DMD: variants seen among roughly 807,000 people sequenced by gnomAD.
DMD encodes the protein dystrophin, also known as mutant dystrophin.
In DMD, 63 loss-of-function variants were observed where a neutral mutation model predicts 330.1. The ratio of observed to expected loss-of-function variants is 0.19; its 90% CI spans 0.16 to 0.24. The LOEUF (loss-of-function observed/expected upper bound fraction) is 0.24. Ranked by LOEUF, DMD falls within the 10% of genes least tolerant of loss-of-function variation. DMD has a pLI of 1.00. For synonymous variants in DMD, 1,223 were observed against 959.8 expected (o/e 1.27, Z -5.07); for missense variants, 3,344 against 2,684.1 (o/e 1.25, Z -5.43).
At chrX:31,529,324 G>A (rs931039983) in intron 55 of DMD, among the ~76,000 whole-genome samples, 5 of 110,805 alleles carry the variant, frequency 4.5e-5, no homozygotes, top group Non-Finnish European at 9.4e-5. Flanking sequence ...GTTTGAGGCT[G>A]CAGTGAGCTA....
intron 50 of DMD, among the ~76,000 whole-genome samples, chrX:31,788,130 C>G (rs1322119610): frequency 8.9e-6 from 1 of 111,874 alleles, no homozygotes; most frequent in African/African-American, 3.2e-5. Context: ...TTGTCTTGGA[C>G]TTGAATCTCA....
rs966934932 is a variant in DMD, at chrX:31,681,242, C to T, written c.7661-1656G>A. On this transcript the variant is annotated intron_variant, in intron 52 of 78. Coordinates refer to ENST00000357033, the MANE Select transcript of DMD (RefSeq NM_004006.3). ...TTCTGGAATATCTTAGCTGGACATACGTGTTCTTCTATGATCTTGCCTAGA... is the reference window on the plus strand; with the variant it reads ...TTCTGGAATATCTTAGCTGGACATATGTGTTCTTCTATGATCTTGCCTAGA... Among the ~76,000 whole-genome samples the T allele has an allele frequency of 8.9e-6, 1 of 112,157 alleles. No individual in the cohort carries two copies. Among genetic ancestry groups the T allele is most frequent in the African/African-American group, 3.2e-5 (1 of 30,863 alleles).
At chrX:33,240,967 T>G (rs1447806618) in intron 1 of DMD, among the ~76,000 whole-genome samples, 1 of 112,231 alleles carries the variant, frequency 8.9e-6, no homozygotes, top group East Asian at 2.8e-4. Context: ...TAACCCCTTA[T>G]AAGATGTATG....
intron 43 of DMD, among the ~76,000 whole-genome samples, chrX:32,245,982 A>G (rs1249930020): frequency 1.0e-5 from 1 of 97,987 alleles, no homozygotes; most frequent in Non-Finnish European, 2.0e-5. Flanking sequence ...TGCCCTGGCC[A>G]GAACTTCCAA....
chrX:32,812,166 CA>C (rs150837400), intron 6 of DMD, among the ~76,000 whole-genome samples: 23 of 110,995 alleles, frequency 2.1e-4, no homozygotes, highest in African/African-American at 6.9e-4. Flanking sequence ...TCTACTCCTA[CA>C]AAAAAACTCT....
intron 9 of DMD, among the ~76,000 whole-genome samples, chrX:32,654,671 G>T (rs2060426301): frequency 8.9e-6 from 1 of 111,763 alleles, no homozygotes. Flanking sequence ...CTCATAAAAT[G>T]AGTTAGGGAG....
At chrX:32,167,049 A>T (rs1211545343) in intron 44 of DMD, among the ~76,000 whole-genome samples, 1 of 111,517 alleles carries the variant, frequency 9.0e-6, no homozygotes, top group Non-Finnish European at 1.9e-5. Flanking sequence ...CTGCTTAATG[A>T]TCTGCTCGAT....
intron 4 of DMD, among the ~76,000 whole-genome samples, chrX:32,830,146 G>A (rs2079043460): frequency 9.0e-6 from 1 of 111,062 alleles, no homozygotes; most frequent in African/African-American, 3.3e-5. Context: ...TTGACGGTCT[G>A]GTCTGTTTTG....
At chrX:32,690,864 G>A (rs1221488096) in intron 9 of DMD, among the ~76,000 whole-genome samples, 1 of 111,356 alleles carries the variant, frequency 9.0e-6, no homozygotes, top group Non-Finnish European at 1.9e-5. Context: ...ATATGTAAAT[G>A]TAAAACCTCA....
intron 7 of DMD, among the ~76,000 whole-genome samples, chrX:32,791,408 C>T (rs781708623): frequency 8.9e-5 from 10 of 111,816 alleles, no homozygotes; most frequent in East Asian, 5.7e-4. Flanking sequence ...AGGACAGGCA[C>T]GCTCAACCAA....
At chrX:32,560,239 C>T (rs1462132766) in intron 16 of DMD, among the ~76,000 whole-genome samples, 3 of 104,777 alleles carry the variant, frequency 2.9e-5, no homozygotes, top group Non-Finnish European at 3.9e-5. Context: ...GTATATACTA[C>T]TTAATATAAA....
At chrX:31,914,158 G>A (rs775363229) in intron 47 of DMD, among the ~76,000 whole-genome samples, 13 of 112,014 alleles carry the variant, frequency 1.2e-4, no homozygotes, top group Non-Finnish European at 2.1e-4. Flanking sequence ...GGGGTGTGGA[G>A]AGGGAGAGAA....
chrX:32,152,325 T>C (rs2096807932), intron 44 of DMD, among the ~76,000 whole-genome samples: 1 of 111,670 alleles, frequency 9.0e-6, no homozygotes, highest in South Asian at 3.7e-4. Flanking sequence ...GCTGTAACTA[T>C]TATTTTTTTA....
chrX:32,624,210 G>C (rs773937592), intron 11 of DMD, among the ~76,000 whole-genome samples: 1 of 111,998 alleles, frequency 8.9e-6, no homozygotes, highest in South Asian at 3.7e-4. Flanking sequence ...ATTTAGACGG[G>C]AAAGTAAAAG....
At chrX:32,713,841 AG>A (rs2066775477) in intron 7 of DMD, among the ~76,000 whole-genome samples, 1 of 111,766 alleles carries the variant, frequency 8.9e-6, no homozygotes, top group African/African-American at 3.3e-5. Context: ...CATTGTCCAT[AG>A]AAAATATAGT....
In DMD at chrX:31,382,878, ATTTT is replaced by A. The variant is rs57194993; in HGVS notation, c.9085-34248_9085-34245del. On this transcript the variant is annotated intron_variant, in intron 60 of 78. Transcript: ENST00000357033. ...TTCGCCGCCCCAACACTTCAACACTATTTTGTTTTATTTTTCTTATTAATATAAG... is the reference window on the plus strand; with the variant it reads ...TTCGCCGCCCCAACACTTCAACACTAGTTTTATTTTTCTTATTAATATAAG... Among the ~76,000 whole-genome samples the A allele has an allele frequency of 5.6e-3, 620 of 110,947 alleles. 2 individuals are homozygous for A. The highest frequency in any genetic ancestry group is 0.019 in the African/African-American group (575 of 30,508).
At chrX:32,163,091 C>T (rs1212802956) in intron 44 of DMD, among the ~76,000 whole-genome samples, 2 of 111,147 alleles carry the variant, frequency 1.8e-5, no homozygotes, top group African/African-American at 6.6e-5. Context: ...CCACCTTTAC[C>T]CCTCTACCAT....
At chrX:32,712,538 T>C (rs867904214) in intron 7 of DMD, among the ~76,000 whole-genome samples, 13 of 111,857 alleles carry the variant, frequency 1.2e-4, no homozygotes, top group Non-Finnish European at 2.1e-4. Context: ...ACATGAACCC[T>C]CATAATAAGA....
Position 32,809,628 on chromosome X carries a change from TACACAC to T in DMD, c.531-23_531-18del, listed in dbSNP as rs1569526589. On this transcript the variant is annotated intron_variant, in intron 6 of 78. Coordinates refer to ENST00000357033, the MANE Select transcript of DMD (RefSeq NM_004006.3). Reference sequence around the variant, plus strand: ...AGGTCTGGCCTAAAACACATACACATACACACATACACAAAGACAAATATAAATCAA... The same window carrying T: ...AGGTCTGGCCTAAAACACATACACATATACACAAAGACAAATATAAATCAA... 2 of 1,112,520 alleles carry T rather than the reference TACACAC, an allele frequency of 1.8e-6. No individual in the cohort carries two copies. The highest frequency in any genetic ancestry group is 1.8e-5 in the South Asian group (1 of 54,745). 91.7% of individuals were successfully genotyped at this position (1,112,520 alleles called of 1,213,427 possible). A position where few individuals can be genotyped will look rare whatever the true frequency, so the allele number is the denominator to read the frequency against.
Sources: allele counts gnomAD v4.1 joint callset (sites outside exome capture counted in the v4.1 genomes callset), GRCh38; gene constraint gnomAD v4.1.1; transcripts MANE v1.5; gene names NCBI Gene and HGNC (gene_info 2026-07-23, HGNC 2026-07-21).